The following LAPTM4A variants were observed in gnomAD, a reference collection of about 807,000 sequenced individuals.
The protein encoded by LAPTM4A is lysosomal-associated transmembrane protein 4A.
Under a neutral mutation model 29.9 loss-of-function variants are expected in LAPTM4A, and 19 were observed. The ratio of observed to expected loss-of-function variants is 0.64; its 90% CI spans 0.44 to 0.93. The LOEUF (loss-of-function observed/expected upper bound fraction) is 0.93. Ranked by LOEUF, LAPTM4A falls within the 40% of genes least tolerant of loss-of-function variation. The pLI, the probability that LAPTM4A is intolerant of heterozygous loss-of-function variation, is 0.00. For missense variants in LAPTM4A, 293 were observed against 288.5 expected, an observed-to-expected ratio of 1.02 and a Z score of -0.11; for synonymous variants, 105 against 102.1, an observed-to-expected ratio of 1.03 and a Z score of -0.17.
intron 1 of LAPTM4A, among the ~76,000 whole-genome samples, chr2:20,046,671 A>T (rs1349541012): frequency 2.0e-5 from 3 of 147,864 alleles, no homozygotes; most frequent in Admixed American, 1.4e-4. Context: ...ATATATATGT[A>T]TGTATGTGTG....
chr2:20,049,273 T>G (rs2148216184), intron 1 of LAPTM4A, among the ~76,000 whole-genome samples: 1 of 152,336 alleles, frequency 6.6e-6, no homozygotes, highest in East Asian at 1.9e-4. Flanking sequence ...CTGCAGGTGG[T>G]CAGTAAATCT....
chr2:20,037,452 A>G lies in LAPTM4A; in HGVS notation c.310-14T>C. The G allele has an allele frequency of 1.2e-6, 2 of 1,605,734 alleles. No individual in the cohort carries two copies. Among genetic ancestry groups the G allele is most frequent in the Admixed American group, 1.7e-5 (1 of 57,262 alleles). ...ACCCACTTGATACTGGAGAAAAAAT[A>G]ACAACCATAACATTGTATCACATAT... On this transcript the variant is annotated splice_polypyrimidine_tract_variant and intron_variant, in intron 3 of 6. Coordinates refer to ENST00000175091, the MANE Select transcript of LAPTM4A (RefSeq NM_014713.5).
chr2:20,033,102 A>G lies in LAPTM4A; in HGVS notation c.*103T>C. ...AATAAATGCTTAAACAAAAGACAAC[A>G]TATTTTATATCAAACAAGTTTGAAG... On this transcript the variant is annotated 3_prime_UTR_variant, in exon 7 of 7. Coordinates refer to ENST00000175091, the MANE Select transcript of LAPTM4A (RefSeq NM_014713.5). 1.1e-6 allele frequency: 1 copy of G among 924,940 alleles called. No homozygotes were observed. The highest frequency in any genetic ancestry group is 1.7e-6 in the Non-Finnish European group (1 of 572,396). The allele number at this position is 924,940 out of a possible 1,614,324, so 57.3% of individuals were successfully genotyped here.
chr2:20,037,931 A>T (rs747968467), intron 2 of LAPTM4A, among the ~76,000 whole-genome samples: 6 of 152,156 alleles, frequency 3.9e-5, no homozygotes, highest in Non-Finnish European at 7.4e-5. Flanking sequence ...CAGGAATCTG[A>T]AGATGTGCAA....
chr2:20,040,945 C>A lies in LAPTM4A; in HGVS notation c.178G>T (p.Val60Phe). The A allele has an allele frequency of 6.2e-7, 1 of 1,613,604 alleles. No individual in the cohort carries two copies. Among genetic ancestry groups the A allele is most frequent in the Non-Finnish European group, 8.5e-7 (1 of 1,179,514 alleles). ...CCGATGACTTCATACTGAATGTTGA[C>A]AGCTGGCATGGAGTTTGGATGAGTC... ...EVTHPNSMPA[V>F]NIQYEVIGNY... The change falls in exon 2 of 7, where the codon GTC (valine) becomes TTC (phenylalanine). Residue 60 changes from valine to phenylalanine, a missense_variant. Physicochemically the swap from Val to Phe is conservative, Grantham distance 50. Transcript: ENST00000175091.
At chr2:20,042,118 G>T (rs1673813087) in intron 1 of LAPTM4A, among the ~76,000 whole-genome samples, 1 of 152,156 alleles carries the variant, frequency 6.6e-6, no homozygotes, top group Admixed American at 6.6e-5. Context: ...AATGCAACCT[G>T]AAGTTGTACT....
chr2:20,043,732 A>G (rs1245714943), intron 1 of LAPTM4A, among the ~76,000 whole-genome samples: 1 of 152,212 alleles, frequency 6.6e-6, no homozygotes, highest in African/African-American at 2.4e-5. Context: ...GATATGCTTT[A>G]TGACATGTGT....
At chr2:20,041,564 C>G (rs1015867374) in intron 1 of LAPTM4A, among the ~76,000 whole-genome samples, 2 of 152,070 alleles carry the variant, frequency 1.3e-5, no homozygotes, top group African/African-American at 4.8e-5. Context: ...GATATGGAGT[C>G]TCACTCTATT....
intron 1 of LAPTM4A, among the ~76,000 whole-genome samples, chr2:20,045,390 C>T (rs781283976): frequency 6.6e-6 from 1 of 151,308 alleles, no homozygotes; most frequent in Non-Finnish European, 1.5e-5. Context: ...TGTTTGAGCC[C>T]AGTTCAAGGC....
intron 1 of LAPTM4A, among the ~76,000 whole-genome samples, chr2:20,047,611 A>AC (rs1673958646): frequency 6.7e-6 from 1 of 148,738 alleles, no homozygotes; most frequent in Non-Finnish European, 1.5e-5. Flanking sequence ...AATGGCGTGA[A>AC]CCCGGGAAGC....
At chr2:20,038,464 C>T (rs969808576) in intron 2 of LAPTM4A, among the ~76,000 whole-genome samples, 7 of 152,148 alleles carry the variant, frequency 4.6e-5, no homozygotes, top group Admixed American at 2.6e-4. Flanking sequence ...CTTGCTCTGT[C>T]GCCCAGGCTA....
Position 20,049,948 on chromosome 2 carries a change from A to C in LAPTM4A, c.111+1462T>G, listed in dbSNP as rs942658203. Among the ~76,000 whole-genome samples, 3 of 152,200 alleles carry C rather than the reference A, an allele frequency of 2.0e-5. No individual in the cohort carries two copies. The East Asian group carries it at 5.8e-4, about 29-fold the overall frequency. ...ACCCAGCCCCTCAGCAAAATGGAGA[A>C]GCTATAAAAGGAAGTTAGAAACATA... is the stretch of plus-strand genomic sequence containing the variant. On this transcript the variant is annotated intron_variant, in intron 1 of 6. Coordinates refer to ENST00000175091, the MANE Select transcript of LAPTM4A (RefSeq NM_014713.5).
At chr2:20,050,594 T>G (rs929583073) in intron 1 of LAPTM4A, among the ~76,000 whole-genome samples, 2 of 152,046 alleles carry the variant, frequency 1.3e-5, no homozygotes, top group Non-Finnish European at 2.9e-5. Context: ...AAATGGTGAA[T>G]TACAAAAGAA....
intron 4 of LAPTM4A, 49 bp from the exon 5 acceptor site, chr2:20,035,111 CT>C: frequency 3.2e-6 from 4 of 1,256,662 alleles, no homozygotes; most frequent in South Asian, 1.2e-5. Context: ...CGCACTAGCA[CT>C]TGCTGATAAC....
chr2:20,046,232 G>C (rs764600825), intron 1 of LAPTM4A, among the ~76,000 whole-genome samples: 2 of 152,066 alleles, frequency 1.3e-5, no homozygotes, highest in Non-Finnish European at 2.9e-5. Flanking sequence ...ATAGCATTAG[G>C]AGAAATAACT....
At chr2:20,044,845 T>G (rs1285976727) in intron 1 of LAPTM4A, among the ~76,000 whole-genome samples, 1 of 152,240 alleles carries the variant, frequency 6.6e-6, no homozygotes, top group Non-Finnish European at 1.5e-5. Context: ...TTAGATCACA[T>G]CATTTCATTA....
chr2:20,046,303 C>A (rs903720475), intron 1 of LAPTM4A, among the ~76,000 whole-genome samples: 3 of 151,870 alleles, frequency 2.0e-5, no homozygotes, highest in Non-Finnish European at 4.4e-5. Context: ...ACCTATGCAA[C>A]AAACCTGCAC....
At chr2:20,048,783 T>G (rs1189653220) in intron 1 of LAPTM4A, among the ~76,000 whole-genome samples, 1 of 152,206 alleles carries the variant, frequency 6.6e-6, no homozygotes, top group Non-Finnish European at 1.5e-5. Context: ...TACTCACTCA[T>G]CCCCATATTG....
chr2:20,037,444 G>A lies in LAPTM4A; in HGVS notation c.310-6C>T. The A allele has an allele frequency of 6.2e-7, 1 of 1,605,784 alleles. No individual in the cohort carries two copies. The highest frequency in any genetic ancestry group is 1.7e-5 in the Admixed American group (1 of 57,222). Reference sequence around the variant, plus strand: ...ATCAGCCAACCCACTTGATACTGGAGAAAAAATAACAACCATAACATTGTA... The same window carrying A: ...ATCAGCCAACCCACTTGATACTGGAAAAAAAATAACAACCATAACATTGTA... On this transcript the variant is annotated splice_region_variant and splice_polypyrimidine_tract_variant and intron_variant, in intron 3 of 6. Transcript: ENST00000175091.
Sources: gnomAD v4.1 joint callset for allele counts (sites outside exome capture counted in the v4.1 genomes callset) on GRCh38, gnomAD v4.1.1 for gene constraint, MANE v1.5 for transcripts, NCBI Gene and HGNC (gene_info 2026-07-23, HGNC 2026-07-21) for gene names.